Variants in EPM2A observed in about 807,000 individuals in gnomAD.
The protein encoded by EPM2A is laforin.
Under a neutral mutation model 26.5 loss-of-function variants are expected in EPM2A, and 21 were observed. The observed-to-expected ratio is 0.79, with a 90% CI of 0.56 to 1.14. The LOEUF is 1.14. Ranked by LOEUF, EPM2A falls within the 50% of genes most tolerant of loss-of-function variation. EPM2A has a pLI of 0.00. For missense variants in EPM2A, 458 were observed against 440.8 expected (o/e 1.04, Z -0.35); for synonymous variants, 217 against 177.6 (o/e 1.22, Z -1.76).
chr6:145,606,839 A>T (rs1775273359), intron 2 of EPM2A, among the ~76,000 whole-genome samples: 2 of 152,212 alleles, frequency 1.3e-5, no homozygotes, highest in Non-Finnish European at 2.9e-5. Flanking sequence ...TGAGCAGACA[A>T]AGCCACTTAG....
intron 3 of EPM2A, chr6:145,631,483 GTAATT>G (rs1322569274): frequency 5.9e-5 from 9 of 152,272 alleles, no homozygotes; most frequent in Non-Finnish European, 1.2e-4. Flanking sequence ...TTCTGACTCT[GTAATT>G]TAATACAGGC....
chr6:145,441,228 C>T (rs1779059313), intron 4 of EPM2A, among the ~76,000 whole-genome samples: 1 of 152,220 alleles, frequency 6.6e-6, no homozygotes, highest in African/African-American at 2.4e-5. Context: ...GAAGCCATGG[C>T]CCAACTTGTA....
intron 4 of EPM2A, among the ~76,000 whole-genome samples, chr6:145,481,395 C>A (rs563791723): frequency 6.6e-6 from 1 of 152,150 alleles, no homozygotes; most frequent in Non-Finnish European, 1.5e-5. Context: ...CCAAAATGAT[C>A]GGTTTCTAAA....
intron 2 of EPM2A, among the ~76,000 whole-genome samples, chr6:145,673,638 C>T (rs964523410): frequency 6.6e-6 from 1 of 152,170 alleles, no homozygotes; most frequent in Non-Finnish European, 1.5e-5. Flanking sequence ...GTGCCTAGCT[C>T]GGCGGGTCCC....
rs80065496 is a variant in EPM2A, at chr6:145,506,036, A to G, written c.341-3461T>C. On this transcript the variant is annotated intron_variant, in intron 2 of 3. Transcript: ENST00000450221. ...TAGGAGCTGTCTAGCTTTGAGCTCT[A>G]CTCTGAAATGCAGCCCCTCTAGGTG... Among the ~76,000 whole-genome samples, 731 of 152,266 alleles carry G rather than the reference A, an allele frequency of 4.8e-3. 25 individuals are homozygous for G. In the East Asian group the frequency reaches 0.087, roughly 18 times the overall value.
At chr6:145,452,489 C>CAAAAA (rs563777945) in intron 4 of EPM2A, among the ~76,000 whole-genome samples, 35 of 75,860 alleles carry the variant, frequency 4.6e-4, no homozygotes, top group African/African-American at 1.0e-3. Flanking sequence ...ACTAAAAATA[C>CAAAAA]AAAAAAAAAA....
chr6:145,595,028 C>A (rs913540706), intron 2 of EPM2A, among the ~76,000 whole-genome samples: 7 of 151,282 alleles, frequency 4.6e-5, no homozygotes, highest in African/African-American at 1.7e-4. Context: ...TGGTATCAGA[C>A]CTTAGGCCAT....
intron 2 of EPM2A, among the ~76,000 whole-genome samples, chr6:145,581,527 A>AT (rs1781113431): frequency 6.6e-6 from 1 of 151,786 alleles, no homozygotes; most frequent in South Asian, 2.1e-4. Flanking sequence ...ATTTTTGTTT[A>AT]TTTTGCAATT....
chr6:145,426,581 G>A (rs1459757079), intron 4 of EPM2A, among the ~76,000 whole-genome samples: 1 of 152,066 alleles, frequency 6.6e-6, no homozygotes, highest in Non-Finnish European at 1.5e-5. Flanking sequence ...ATAATCATGA[G>A]GAAGAGAAAT....
intron 4 of EPM2A, among the ~76,000 whole-genome samples, chr6:145,476,089 C>A (rs1341640926): frequency 6.6e-6 from 1 of 151,920 alleles, no homozygotes; most frequent in Non-Finnish European, 1.5e-5. Flanking sequence ...ATATCCCATG[C>A]CAATTGAAAC....
chr6:145,452,387 C>T (rs964013551), intron 4 of EPM2A, among the ~76,000 whole-genome samples: 1 of 144,890 alleles, frequency 6.9e-6, no homozygotes, highest in Admixed American at 7.4e-5. Context: ...TGTTGTTTCT[C>T]TATCAGTAGA....
At chr6:145,642,388 G>A (rs114783382) in intron 2 of EPM2A, among the ~76,000 whole-genome samples, 12 of 152,158 alleles carry the variant, frequency 7.9e-5, no homozygotes, top group Middle Eastern at 3.4e-3. Flanking sequence ...AATTAAATAC[G>A]TGACTTTTCT....
intron 2 of EPM2A, among the ~76,000 whole-genome samples, chr6:145,505,372 TTC>T (rs1779957062): frequency 6.6e-6 from 1 of 151,998 alleles, no homozygotes; most frequent in African/African-American, 2.4e-5. Context: ...TGCTTTATTT[TTC>T]TCTCTTACAC....
rs370728607 is a variant in EPM2A, at chr6:145,626,490, C to T, written c.*926G>A. ...ACAACTAATTTCCTAGATTCTTTGG[C>T]AACTGATCAGAATACTATTCTATGT... On this transcript the variant is annotated 3_prime_UTR_variant, in exon 4 of 4. Coordinates refer to ENST00000367519, the MANE Select transcript of EPM2A (RefSeq NM_005670.4). The T allele has an allele frequency of 1.0e-6, 1 of 985,890 alleles. No individual in the cohort carries two copies. The highest frequency in any genetic ancestry group is 4.7e-5 in the South Asian group (1 of 21,290). 61.1% of individuals were successfully genotyped at this position (985,890 alleles called of 1,614,324 possible).
chr6:145,612,216 T>C (rs1286795359), intron 2 of EPM2A, among the ~76,000 whole-genome samples: 2 of 152,242 alleles, frequency 1.3e-5, no homozygotes, highest in Non-Finnish European at 2.9e-5. Flanking sequence ...TTTATTTGCG[T>C]ATTTATTTAT....
intron 4 of EPM2A, among the ~76,000 whole-genome samples, chr6:145,384,977 G>GA (rs1045791197): frequency 1.4e-5 from 2 of 147,154 alleles, no homozygotes; most frequent in East Asian, 3.9e-4. Flanking sequence ...AGAATACAAA[G>GA]AAAAAAATAC....
intron 2 of EPM2A, among the ~76,000 whole-genome samples, chr6:145,590,142 A>G (rs1004662579): frequency 2.0e-5 from 3 of 152,128 alleles, no homozygotes; most frequent in Non-Finnish European, 4.4e-5. Flanking sequence ...TAGACTAAGT[A>G]TAGACTACCA....
intron 2 of EPM2A, among the ~76,000 whole-genome samples, chr6:145,681,010 A>T (rs1467137048): frequency 1.3e-5 from 2 of 152,046 alleles, no homozygotes; most frequent in African/African-American, 4.8e-5. Flanking sequence ...TCCCACCAAC[A>T]GTGTAAAAGT....
intron 2 of EPM2A, among the ~76,000 whole-genome samples, chr6:145,548,218 C>A (rs1334319861): frequency 6.6e-6 from 1 of 152,114 alleles, no homozygotes; most frequent in Non-Finnish European, 1.5e-5. Context: ...CACTGACCTT[C>A]TTCTCTTTCT....
Sources: gnomAD v4.1 joint callset for allele counts (sites outside exome capture counted in the v4.1 genomes callset) on GRCh38, gnomAD v4.1.1 for gene constraint, MANE v1.5 for transcripts, NCBI Gene and HGNC (gene_info 2026-07-23, HGNC 2026-07-21) for gene names.